RCAN2: variants seen among roughly 807,000 people sequenced by gnomAD.
RCAN2 encodes the protein calcipressin-2.
Under a neutral mutation model 23.6 loss-of-function variants are expected in RCAN2, and 9 were observed. The ratio of observed to expected loss-of-function variants is 0.38; its 90% CI spans 0.23 to 0.67. RCAN2 has a LOEUF of 0.67. RCAN2 is among the 30% of genes least tolerant of loss of function. RCAN2 has a pLI of 0.51. For missense variants in RCAN2, 273 were observed against 302.3 expected (o/e 0.90, Z 0.72); for synonymous variants, 109 against 115.7 (o/e 0.94, Z 0.37).
At chr6:46,233,474 G>T (rs1345065) in intron 4 of RCAN2, among the ~76,000 whole-genome samples, 40,448 of 152,016 alleles carry the variant, frequency 0.27, 6,320 homozygotes, top group African/African-American at 0.42. Context: ...AGTGCATTGA[G>T]GAAAGGGGGA....
chr6:46,491,814 A>C (rs370667864), upstream of RCAN2: 8 of 152,592 alleles, frequency 5.2e-5, no homozygotes, highest in East Asian at 1.2e-3. Context: ...GCCCAGAAGA[A>C]ATGGTCAGAG....
chr6:46,412,895 A>T (rs966058950), intron 2 of RCAN2, among the ~76,000 whole-genome samples: 4 of 152,184 alleles, frequency 2.6e-5, no homozygotes, highest in Non-Finnish European at 4.4e-5. Context: ...GCGTGGGTAA[A>T]CCAGGATATA....
At chr6:46,332,587 A>G (rs1282616546) in intron 2 of RCAN2, among the ~76,000 whole-genome samples, 2 of 151,350 alleles carry the variant, frequency 1.3e-5, no homozygotes. Flanking sequence ...GTGATAGTTT[A>G]CTGAGAATGA....
chr6:46,346,176 T>C (rs62402364), intron 2 of RCAN2, among the ~76,000 whole-genome samples: 64,126 of 151,950 alleles, frequency 0.42, 14,975 homozygotes, highest in East Asian at 0.6. Context: ...TTAAAAATAT[T>C]TTAAATCAAA....
At chr6:46,480,328 G>C (rs1476061185) in intron 1 of RCAN2, among the ~76,000 whole-genome samples, 1 of 152,182 alleles carries the variant, frequency 6.6e-6, no homozygotes, top group African/African-American at 2.4e-5. Flanking sequence ...GCCAGTGCTT[G>C]GTGCTTAATA....
At chr6:46,465,673 TCTC>T (rs1768357252) in intron 1 of RCAN2, among the ~76,000 whole-genome samples, 1 of 152,144 alleles carries the variant, frequency 6.6e-6, no homozygotes. Flanking sequence ...CTTTCTCTGA[TCTC>T]CTGCTGGTAC....
At chr6:46,226,951 G>A (rs946228636) in intron 4 of RCAN2, among the ~76,000 whole-genome samples, 21 of 152,198 alleles carry the variant, frequency 1.4e-4, no homozygotes, top group Non-Finnish European at 2.4e-4. Context: ...TTACTTTTGA[G>A]ATATGTTCCA....
intron 2 of RCAN2, among the ~76,000 whole-genome samples, chr6:46,429,265 A>G (rs907586683): frequency 4.4e-4 from 67 of 152,352 alleles, no homozygotes; most frequent in African/African-American, 1.5e-3. Context: ...ACACTTTTAC[A>G]GGGTGTACTC....
At chr6:46,305,975 C>T (rs1398572739) in intron 2 of RCAN2, among the ~76,000 whole-genome samples, 1 of 150,932 alleles carries the variant, frequency 6.6e-6, no homozygotes, top group East Asian at 2.0e-4. Flanking sequence ...TCCTGGTGAG[C>T]CAAGGTGCTC....
intron 2 of RCAN2, among the ~76,000 whole-genome samples, chr6:46,410,423 C>T (rs74792262): frequency 0.013 from 1,905 of 152,270 alleles, 14 homozygotes; most frequent in Admixed American, 0.022. Flanking sequence ...TATTTTCAAT[C>T]GTACATTTGA....
intron 1 of RCAN2, among the ~76,000 whole-genome samples, chr6:46,467,895 G>A (rs527921109): frequency 6.6e-6 from 1 of 152,314 alleles, no homozygotes; most frequent in South Asian, 2.1e-4. Context: ...TGAAATCCCA[G>A]CTCCTCAGCA....
intron 1 of RCAN2, among the ~76,000 whole-genome samples, chr6:46,475,536 T>C (rs1169979722): frequency 6.6e-6 from 1 of 152,218 alleles, no homozygotes. Flanking sequence ...GCTTCAATTC[T>C]TTCCAAACAA....
chr6:46,311,852 A>G (rs1009172302), intron 2 of RCAN2, among the ~76,000 whole-genome samples: 3 of 152,164 alleles, frequency 2.0e-5, no homozygotes, highest in African/African-American at 7.2e-5. Flanking sequence ...GTGTCTCCCA[A>G]TATCCACCTT....
chr6:46,451,307 T>C (rs961469671), intron 2 of RCAN2, among the ~76,000 whole-genome samples: 1 of 152,196 alleles, frequency 6.6e-6, no homozygotes, highest in Non-Finnish European at 1.5e-5. Flanking sequence ...AGGGCTCATA[T>C]TGTGTAATGT....
chr6:46,240,016 G>A (rs6913529), intron 4 of RCAN2, among the ~76,000 whole-genome samples: 6,095 of 152,220 alleles, frequency 0.04, 389 homozygotes, highest in African/African-American at 0.13. Flanking sequence ...AAGAGGGAGA[G>A]CGACCAGAGT....
At chr6:46,240,281 T>C (rs1766259411) in intron 4 of RCAN2, among the ~76,000 whole-genome samples, 1 of 152,124 alleles carries the variant, frequency 6.6e-6, no homozygotes, top group South Asian at 2.1e-4. Flanking sequence ...TTATAGGCAG[T>C]AGGATTTGTT....
chr6:46,410,750 ATCT>A (rs1356063303), intron 2 of RCAN2, among the ~76,000 whole-genome samples: 7 of 152,192 alleles, frequency 4.6e-5, no homozygotes, highest in South Asian at 2.1e-4. Context: ...ATAACAGCAA[ATCT>A]TCTTTGAACT....
In RCAN2 at chr6:46,297,406, T is replaced by A. The variant is rs917598633; in HGVS notation, c.226-48510A>T. The stretch of plus-strand genomic sequence containing the variant: ...GTGAAAGGGTCCTATACCACCAAGC[T>A]TTTCCTGAACCTCCAGAGGGTGCAG... On this transcript the variant is annotated intron_variant, in intron 2 of 4. Transcript: ENST00000371374. Among the ~76,000 whole-genome samples the A allele has an allele frequency of 2.0e-5, 3 of 152,058 alleles. No individual in the cohort carries two copies. The East Asian group carries it at 5.8e-4, about 29-fold the overall frequency.
At chr6:46,255,722 G>A (rs921782070) in intron 2 of RCAN2, among the ~76,000 whole-genome samples, 2 of 152,134 alleles carry the variant, frequency 1.3e-5, no homozygotes, top group African/African-American at 4.8e-5. Context: ...GATAAGCTGC[G>A]TGAGAAACAG....
Sources: gnomAD v4.1 joint callset for allele counts (sites outside exome capture counted in the v4.1 genomes callset) on GRCh38, gnomAD v4.1.1 for gene constraint, MANE v1.5 for transcripts, NCBI Gene and HGNC (gene_info 2026-07-23, HGNC 2026-07-21) for gene names.